The following GAB1 variants were observed in gnomAD, a reference collection of about 807,000 sequenced individuals.
The protein encoded by GAB1 is GRB2-associated-binding protein 1.
Under a neutral mutation model 66.5 loss-of-function variants are expected in GAB1, and 19 were observed. The observed-to-expected ratio is 0.29, with a 90% CI of 0.20 to 0.42. GAB1 has a LOEUF of 0.42. Among genes scored for constraint, GAB1 ranks in the 10% least tolerant of loss-of-function variants. The probability of loss-of-function intolerance (pLI) is 1.00; values close to 1 mark genes in which losing one functional copy is unlikely to be tolerated. For missense variants in GAB1, 732 were observed against 858.5 expected (o/e 0.85, Z 1.84); for synonymous variants, 294 against 301.4 (o/e 0.98, Z 0.25).
At chr4:143,433,422 A>G (rs1733779190) in intron 2 of GAB1, 69 bp from the exon 3 acceptor site, 1 of 1,084,970 alleles carries the variant, frequency 9.2e-7, no homozygotes, top group Non-Finnish European at 1.4e-6. Flanking sequence ...ATTTGTCTCC[A>G]AAGTAGCTTT....
At chr4:143,370,181 AT>A (rs1308631297) in intron 1 of GAB1, among the ~76,000 whole-genome samples, 1 of 152,232 alleles carries the variant, frequency 6.6e-6, no homozygotes, top group African/African-American at 2.4e-5. Flanking sequence ...GTAAAAGGGT[AT>A]GGGGCAAGGG....
At chr4:143,432,076 TA>T (rs1733687364) in intron 2 of GAB1, among the ~76,000 whole-genome samples, 1 of 152,212 alleles carries the variant, frequency 6.6e-6, no homozygotes, top group East Asian at 1.9e-4. Flanking sequence ...GAACCTGTCA[TA>T]TGCAAATAGG....
At chr4:143,390,262 A>G (rs1731118827) in intron 1 of GAB1, among the ~76,000 whole-genome samples, 1 of 152,202 alleles carries the variant, frequency 6.6e-6, no homozygotes, top group Non-Finnish European at 1.5e-5. Context: ...TCAGCTAATA[A>G]TAAGATTAAG....
chr4:143,473,550 T>A lies in GAB1; in HGVS notation c.*4361T>A, dbSNP rs1736168603. On this transcript the variant is annotated 3_prime_UTR_variant, in exon 10 of 10. Coordinates refer to ENST00000262994, the MANE Select transcript of GAB1 (RefSeq NM_002039.4). ...AATAGAAAAAGCTCCCTGGAAAAAC[T>A]CTGTTGCCACATGCACGTGCCCTGT... is the stretch of plus-strand genomic sequence containing the variant. 2 of 152,194 alleles carry A rather than the reference T, an allele frequency of 1.3e-5. No individual in the cohort carries two copies. The highest frequency in any genetic ancestry group is 6.5e-5 in the Admixed American group (1 of 15,280). 9.4% of individuals were successfully genotyped at this position (152,194 alleles called of 1,614,324 possible). A position where few individuals can be genotyped will look rare whatever the true frequency, so the allele number is the denominator to read the frequency against.
chr4:143,390,425 T>TG (rs1731131955), intron 1 of GAB1, among the ~76,000 whole-genome samples: 1 of 151,920 alleles, frequency 6.6e-6, no homozygotes, highest in Admixed American at 6.6e-5. Context: ...TTTGTTTTTT[T>TG]TTTTTAGGAA....
chr4:143,396,570 G>A lies in GAB1; in HGVS notation c.73-18907G>A, dbSNP rs189313784. Among the ~76,000 whole-genome samples the A allele has an allele frequency of 6.6e-5, 10 of 152,246 alleles. No individual in the cohort carries two copies. In the East Asian group the frequency reaches 1.7e-3, roughly 26 times the overall value. Reference sequence around the variant, plus strand: ...GTGCCACTATATTGGGATAAAGCAGGAAAGTGAGATGTCAAGACAGGACTT... The same window carrying A: ...GTGCCACTATATTGGGATAAAGCAGAAAAGTGAGATGTCAAGACAGGACTT... On this transcript the variant is annotated intron_variant, in intron 1 of 9. Transcript: ENST00000262994.
chr4:143,369,616 A>G (rs1332944597), intron 1 of GAB1, among the ~76,000 whole-genome samples: 1 of 152,246 alleles, frequency 6.6e-6, no homozygotes, highest in Non-Finnish European at 1.5e-5. Flanking sequence ...AACACAATAT[A>G]TATATGATTT....
intron 6 of GAB1, among the ~76,000 whole-genome samples, chr4:143,455,771 G>A (rs1482252255): frequency 6.6e-6 from 1 of 152,178 alleles, no homozygotes; most frequent in Non-Finnish European, 1.5e-5. Context: ...CTTAGTTTGT[G>A]ACTGTGTGGC....
chr4:143,427,884 A>G (rs1439857088), intron 2 of GAB1, among the ~76,000 whole-genome samples: 2 of 152,358 alleles, frequency 1.3e-5, no homozygotes, highest in South Asian at 2.1e-4. Flanking sequence ...GTGAATACCC[A>G]GAGTATGTGA....
At position 143,466,164 on chromosome 4, in the gene GAB1, A is replaced by G. The variant is rs767193992; in HGVS notation, c.1865A>G (p.Asp622Gly). Residue 622 changes from aspartate to glycine, a missense_variant, in exon 9 of 10, where the codon GAC (aspartate) becomes GGC (glycine). Asp to Gly is a moderately conservative substitution (Grantham distance 94). Around this residue, in one of 4 missense-constraint regions of GAB1, gnomAD observed 204 missense variants for 276.8 expected, o/e 0.74. Coordinates refer to ENST00000262994, the MANE Select transcript of GAB1 (RefSeq NM_002039.4). ...AGCCCTATGATCAAGCCCAAAGGAG[A>G]CAAACAGGTGGAATACTTAGATCTC... ...GSSPMIKPKG[D>G]KQVEYLDLDL... 1.9e-6 allele frequency: 3 copies of G among 1,613,894 alleles called. No individual in the cohort carries two copies. In the South Asian group the frequency reaches 3.3e-5, roughly 18 times the overall value.
intron 6 of GAB1, among the ~76,000 whole-genome samples, chr4:143,454,493 T>G (rs1016383865): frequency 1.3e-5 from 2 of 152,194 alleles, no homozygotes; most frequent in African/African-American, 4.8e-5. Flanking sequence ...AAGTATTGTT[T>G]TGAAAGAAAG....
chr4:143,337,287 G>A (rs1339034584), intron 1 of GAB1, 27 bp downstream of exon 1: 7 of 1,550,088 alleles, frequency 4.5e-6, no homozygotes, highest in Non-Finnish European at 6.1e-6. Flanking sequence ...GCACCACTCC[G>A]CGGGCCTCGG....
At chr4:143,445,145 T>C (rs1319266844) in intron 6 of GAB1, among the ~76,000 whole-genome samples, 1 of 152,216 alleles carries the variant, frequency 6.6e-6, no homozygotes, top group African/African-American at 2.4e-5. Flanking sequence ...AGTTCTGTTT[T>C]AAGTTCTTTG....
At chr4:143,346,165 G>A (rs1398284513) in intron 1 of GAB1, among the ~76,000 whole-genome samples, 1 of 152,154 alleles carries the variant, frequency 6.6e-6, no homozygotes, top group Non-Finnish European at 1.5e-5. Context: ...AAATATTTGT[G>A]TCCCAATCTT....
intron 1 of GAB1, among the ~76,000 whole-genome samples, chr4:143,348,202 C>A (rs983899663): frequency 2.0e-5 from 3 of 152,212 alleles, no homozygotes; most frequent in African/African-American, 7.2e-5. Context: ...CTTTAAAGCT[C>A]ATCTATGGCT....
chr4:143,407,639 T>C (rs1243069226), intron 1 of GAB1, among the ~76,000 whole-genome samples: 1 of 152,188 alleles, frequency 6.6e-6, no homozygotes, highest in Non-Finnish European at 1.5e-5. Flanking sequence ...GTGACAACAG[T>C]TTGAAAACAG....
intron 1 of GAB1, among the ~76,000 whole-genome samples, chr4:143,360,990 A>T (rs571858072): frequency 6.6e-6 from 1 of 152,304 alleles, no homozygotes; most frequent in African/African-American, 2.4e-5. Flanking sequence ...CCTTTCCCCA[A>T]CAAGACATAT....
At chr4:143,361,283 C>T (rs1315602673) in intron 1 of GAB1, among the ~76,000 whole-genome samples, 2 of 152,122 alleles carry the variant, frequency 1.3e-5, no homozygotes, top group Non-Finnish European at 2.9e-5. Context: ...CTGATTTATT[C>T]ATCTTGTCCT....
intron 1 of GAB1, among the ~76,000 whole-genome samples, chr4:143,375,850 T>G (rs1216412261): frequency 6.6e-6 from 1 of 152,068 alleles, no homozygotes; most frequent in East Asian, 1.9e-4. Flanking sequence ...CTCTGCCCAC[T>G]AGATGCCAGT....
Sources: gnomAD v4.1 joint callset for allele counts (sites outside exome capture counted in the v4.1 genomes callset) on GRCh38, gnomAD v4.1.1 for gene constraint, gnomAD v4.1.1 regional missense constraint, MANE v1.5 for transcripts, NCBI Gene and HGNC (gene_info 2026-07-23, HGNC 2026-07-21) for gene names.